DENND2B: variants seen among roughly 807,000 people sequenced by gnomAD.
DENND2B encodes the protein DENN domain-containing protein 2B.
A neutral mutation model predicts 116.0 loss-of-function variants in DENND2B; 32 were observed. The observed-to-expected ratio is 0.28, with a 90% CI of 0.21 to 0.37. DENND2B has a LOEUF of 0.37. DENND2B is among the 10% of genes least tolerant of loss of function. DENND2B has a pLI of 1.00. For missense variants in DENND2B, 1,276 were observed against 1,477.7 expected (o/e 0.86, Z 2.24); for synonymous variants, 588 against 583.9 (o/e 1.01, Z -0.10).
rs781481277 is a variant in DENND2B, at chr11:8,707,103, C to T, written c.2553G>A (p.Leu851=). 1 of 1,613,362 alleles carries T rather than the reference C, an allele frequency of 6.2e-7. No homozygotes were observed. Among genetic ancestry groups the T allele is most frequent in the Admixed American group, 1.7e-5 (1 of 59,958 alleles). Residue 851 remains leucine (L), a synonymous_variant, in exon 13 of 20, where the codon CTG becomes CTA. Coordinates refer to ENST00000313726, the MANE Select transcript of DENND2B (RefSeq NM_213618.2). The surrounding 1 kb of genome is among the most constrained non-coding windows in gnomAD (Gnocchi z 4.8). ...PGKTIKVKTF[L]PGAGNEVLEL... ...TCCCTACCTCATTGCCAGCACCTGGCAGGAATGTCTTCACTTTGATGGTCT... is the reference window on the plus strand; with the variant it reads ...TCCCTACCTCATTGCCAGCACCTGGTAGGAATGTCTTCACTTTGATGGTCT...
chr11:8,877,796 AG>A, intron 2 of DENND2B, among the ~76,000 whole-genome samples: 1 of 152,332 alleles, frequency 6.6e-6, no homozygotes, highest in East Asian at 1.9e-4. Flanking sequence ...TTGTATCTGT[AG>A]CTCCTTATTC....
At chr11:8,858,743 A>G (rs2063284619) in intron 2 of DENND2B, among the ~76,000 whole-genome samples, 2 of 152,210 alleles carry the variant, frequency 1.3e-5, no homozygotes, top group East Asian at 1.9e-4. Context: ...GCTATTCTGA[A>G]CCAGTCGAGG....
intron 6 of DENND2B, chr11:8,715,391 G>A: frequency 3.4e-6 from 2 of 582,080 alleles, no homozygotes; most frequent in South Asian, 4.1e-5. Context: ...TCTAACATCT[G>A]AGCACCAAGG....
chr11:8,699,737 G>T, intron 14 of DENND2B: 1 of 430,744 alleles, frequency 2.3e-6, no homozygotes, highest in Non-Finnish European at 4.6e-6. Context: ...AACCCCTAGG[G>T]CCAGTGAATG....
chr11:8,715,040 G>C (rs937375020), intron 6 of DENND2B, among the ~76,000 whole-genome samples: 10 of 152,218 alleles, frequency 6.6e-5, no homozygotes, highest in South Asian at 4.1e-4. Flanking sequence ...GAGACAAAGA[G>C]CCTCTGAGAT....
At chr11:8,750,862 T>C (rs1468948857) in intron 1 of DENND2B, 137 bp from the exon 2 acceptor site, 4 of 702,540 alleles carry the variant, frequency 5.7e-6, no homozygotes, top group Admixed American at 2.4e-5. Context: ...ACTTAATGTT[T>C]AACTCCATGT....
At chr11:8,828,250 A>G (rs546312412) in intron 4 of DENND2B, among the ~76,000 whole-genome samples, 3 of 152,338 alleles carry the variant, frequency 2.0e-5, no homozygotes, top group African/African-American at 7.2e-5. Context: ...AGCCTAATTC[A>G]GCCTCATGAC....
intron 1 of DENND2B, among the ~76,000 whole-genome samples, chr11:8,804,547 CTT>C (rs58169547): frequency 7.7e-6 from 1 of 129,632 alleles, no homozygotes; most frequent in African/African-American, 2.9e-5. Flanking sequence ...GCAGCTACTT[CTT>C]TTTTTTTTTT....
At chr11:8,828,896 AAAGT>A (rs1164017953) in intron 4 of DENND2B, among the ~76,000 whole-genome samples, 2 of 152,136 alleles carry the variant, frequency 1.3e-5, no homozygotes, top group African/African-American at 4.8e-5. Context: ...TGGAGGACAA[AAAGT>A]AAGATGAAAG....
intron 2 of DENND2B, among the ~76,000 whole-genome samples, chr11:8,878,555 A>G (rs1446139315): frequency 2.0e-5 from 3 of 152,042 alleles, no homozygotes; most frequent in African/African-American, 7.2e-5. Context: ...ATGACCAACT[A>G]ATTTTTGTAT....
At chr11:8,898,691 T>G (rs1162153664) in intron 1 of DENND2B, among the ~76,000 whole-genome samples, 4 of 152,228 alleles carry the variant, frequency 2.6e-5, no homozygotes, top group Non-Finnish European at 4.4e-5. Context: ...ATATTGTCTA[T>G]GGCTACTTTC....
chr11:8,875,312 G>T (rs865914639), upstream of DENND2B, among the ~76,000 whole-genome samples: 3 of 147,928 alleles, frequency 2.0e-5, no homozygotes, highest in African/African-American at 7.5e-5. Context: ...TACAGAGTGA[G>T]ACTCAGTCTC....
chr11:8,795,762 T>C lies in DENND2B; in HGVS notation c.-26+14755A>G, dbSNP rs571674338. On this transcript the variant is annotated intron_variant, in intron 1 of 19. Transcript: ENST00000313726. ...CCTTCCTGCTTCCTGGGGAAAGTGA[T>C]TCCCCGCTTTCTGGATGGTTCAATC... Among the ~76,000 whole-genome samples the C allele has an allele frequency of 2.7e-3, 416 of 152,318 alleles. 5 individuals are homozygous for C. The highest frequency in any genetic ancestry group is 9.6e-3 in the African/African-American group (399 of 41,572).
At chr11:8,756,300 T>G (rs1296919507) in intron 1 of DENND2B, among the ~76,000 whole-genome samples, 5 of 152,222 alleles carry the variant, frequency 3.3e-5, no homozygotes, top group Non-Finnish European at 7.3e-5. Flanking sequence ...CAGTTGTATA[T>G]GAGAACACAG....
chr11:8,803,861 G>A (rs959331022), intron 1 of DENND2B, among the ~76,000 whole-genome samples: 3 of 152,176 alleles, frequency 2.0e-5, no homozygotes, highest in Non-Finnish European at 4.4e-5. Context: ...CATCTGGAAG[G>A]GTACAAGGGC....
At chr11:8,889,554 C>A (rs2064001409) in intron 1 of DENND2B, among the ~76,000 whole-genome samples, 1 of 152,232 alleles carries the variant, frequency 6.6e-6, no homozygotes, top group African/African-American at 2.4e-5. Flanking sequence ...TAATACTGCA[C>A]TTTTCCAATG....
intron 1 of DENND2B, among the ~76,000 whole-genome samples, chr11:8,774,863 G>GTCTT (rs2057403449): frequency 7.3e-6 from 1 of 137,846 alleles, no homozygotes; most frequent in African/African-American, 2.9e-5. Flanking sequence ...TATTTTTTTC[G>GTCTT]TTTTTTTTTT....
rs552700981 is a variant in DENND2B, at chr11:8,882,074, T to C, written c.-255-965A>G. Among the ~76,000 whole-genome samples the C allele has an allele frequency of 2.6e-5, 4 of 152,290 alleles. No individual in the cohort carries two copies. The East Asian group carries it at 7.7e-4, about 29-fold the overall frequency. On this transcript the variant is annotated intron_variant, in intron 1 of 22. Coordinates refer to the DENND2B transcript ENST00000534127. ...CTACTTGCATGGTTTCAATTCAATT[T>C]AGCTGATATTGCCAAACTATTATCT...
chr11:8,873,083 C>G (rs900040550), upstream of DENND2B, among the ~76,000 whole-genome samples: 2 of 152,180 alleles, frequency 1.3e-5, no homozygotes, highest in Non-Finnish European at 2.9e-5. Context: ...TAGCCAGCCT[C>G]CAGGTAAATT....
Sources: allele counts gnomAD v4.1 joint callset (sites outside exome capture counted in the v4.1 genomes callset), GRCh38; gene constraint gnomAD v4.1.1; non-coding constraint Gnocchi (gnomAD v3.1); transcripts MANE v1.5; gene names NCBI Gene and HGNC (gene_info 2026-07-23, HGNC 2026-07-21).